EIF4G3: variants seen among roughly 807,000 people sequenced by gnomAD.
EIF4G3 encodes the protein eukaryotic translation initiation factor 4 gamma 3, also known as eIF-4-gamma 3.
A neutral mutation model predicts 186.4 loss-of-function variants in EIF4G3; 34 were observed. The ratio of observed to expected loss-of-function variants is 0.18; its 90% CI spans 0.14 to 0.24. The LOEUF (loss-of-function observed/expected upper bound fraction) is 0.24, where lower values mean the gene tolerates loss of function less well. Among genes scored for constraint, EIF4G3 ranks in the 10% least tolerant of loss-of-function variants. EIF4G3 has a pLI of 1.00. For missense variants in EIF4G3, 1,536 were observed against 1,948.5 expected, an observed-to-expected ratio of 0.79 and a Z score of 3.99; for synonymous variants, 673 against 679.5, an observed-to-expected ratio of 0.99 and a Z score of 0.15.
intron 20 of EIF4G3, among the ~76,000 whole-genome samples, chr1:20,875,510 C>T (rs2080497964): frequency 6.6e-6 from 1 of 152,192 alleles, no homozygotes; most frequent in South Asian, 2.1e-4. Context: ...CTGAGGACAG[C>T]ATTTACATCA....
At chr1:21,148,881 G>C (rs1221536803) in intron 2 of EIF4G3, among the ~76,000 whole-genome samples, 1 of 151,872 alleles carries the variant, frequency 6.6e-6, no homozygotes, top group East Asian at 1.9e-4. Flanking sequence ...TTGTGGCACA[G>C]TCATATATCT....
intron 2 of EIF4G3, among the ~76,000 whole-genome samples, chr1:21,139,726 T>G (rs530136316): frequency 2.0e-5 from 3 of 152,328 alleles, no homozygotes; most frequent in Admixed American, 1.3e-4. Context: ...GGTTTCACTA[T>G]GTTGCCAACT....
chr1:20,828,520 T>C (rs919763457), intron 31 of EIF4G3, among the ~76,000 whole-genome samples: 10 of 152,198 alleles, frequency 6.6e-5, no homozygotes, highest in African/African-American at 2.2e-4. Flanking sequence ...TGCTTTACTA[T>C]AGGACTGTCA....
At chr1:20,898,045 C>T (rs1351842223) in intron 16 of EIF4G3, among the ~76,000 whole-genome samples, 1 of 152,028 alleles carries the variant, frequency 6.6e-6, no homozygotes, top group Non-Finnish European at 1.5e-5. Flanking sequence ...CTGGTACAAG[C>T]CTAGATCTTT....
At chr1:20,917,434 G>A (rs1453708222) in intron 14 of EIF4G3, among the ~76,000 whole-genome samples, 1 of 152,234 alleles carries the variant, frequency 6.6e-6, no homozygotes, top group African/African-American at 2.4e-5. Context: ...TTGAACCTGG[G>A]AGGTCAAGGC....
chr1:20,870,471 A>G lies in EIF4G3; in HGVS notation c.2623-5209T>C, dbSNP rs914742025. ...ATTCAAGTTGGTTATTCTTTCATTC[A>G]GGCATTTACCTACTCACTCACAACT... is the stretch of plus-strand genomic sequence containing the variant. On this transcript the variant is annotated intron_variant, in intron 20 of 36. Transcript: ENST00000602326. Among the ~76,000 whole-genome samples, 8 of 152,254 alleles carry G rather than the reference A, an allele frequency of 5.3e-5. No homozygotes were observed. The East Asian group carries it at 1.4e-3, about 26-fold the overall frequency.
chr1:21,060,113 G>A (rs902352498), intron 3 of EIF4G3, among the ~76,000 whole-genome samples: 26 of 152,102 alleles, frequency 1.7e-4, no homozygotes, highest in Non-Finnish European at 1.0e-4. Flanking sequence ...TACCATGCCC[G>A]GCTAATTTTT....
At chr1:21,048,602 A>G (rs2094028178) in intron 4 of EIF4G3, among the ~76,000 whole-genome samples, 1 of 152,196 alleles carries the variant, frequency 6.6e-6, no homozygotes, top group African/African-American at 2.4e-5. Context: ...AACAGTACCC[A>G]GCAGCCAAGA....
chr1:21,076,855 A>G (rs7531381), intron 3 of EIF4G3, among the ~76,000 whole-genome samples: 66,259 of 151,980 alleles, frequency 0.44, 14,802 homozygotes, highest in Non-Finnish European at 0.47. Flanking sequence ...GAAAACACCA[A>G]GGAAATGCTT....
chr1:20,978,747 T>C (rs1056601716), intron 10 of EIF4G3, among the ~76,000 whole-genome samples: 2 of 150,296 alleles, frequency 1.3e-5, no homozygotes, highest in Middle Eastern at 3.4e-3. Flanking sequence ...CCACTGGGGG[T>C]CTTGGAATGT....
chr1:21,112,607 G>A (rs2096744737), intron 2 of EIF4G3, among the ~76,000 whole-genome samples: 1 of 151,780 alleles, frequency 6.6e-6, no homozygotes. Context: ...TACTTTATTT[G>A]GTTTTTCTGA....
chr1:20,903,974 A>G (rs1003153670), intron 15 of EIF4G3, among the ~76,000 whole-genome samples: 1 of 152,226 alleles, frequency 6.6e-6, no homozygotes, highest in African/African-American at 2.4e-5. Context: ...TTCATTTATA[A>G]GCTTCAATAC....
intron 4 of EIF4G3, among the ~76,000 whole-genome samples, chr1:21,017,890 CA>C (rs2089651268): frequency 6.6e-6 from 1 of 151,958 alleles, no homozygotes; most frequent in Admixed American, 6.6e-5. Context: ...CAAAAAGTTT[CA>C]GTTTTGCAAG....
intron 14 of EIF4G3, 90 bp from the exon 15 acceptor site, chr1:20,905,061 A>C (rs956897388): frequency 1.1e-6 from 1 of 934,928 alleles, no homozygotes; most frequent in East Asian, 2.6e-5. Context: ...CAAATTAAGC[A>C]GGATAAAAGA....
intron 4 of EIF4G3, among the ~76,000 whole-genome samples, chr1:21,013,110 G>C (rs1194996967): frequency 6.6e-6 from 1 of 152,052 alleles, no homozygotes; most frequent in Non-Finnish European, 1.5e-5. Flanking sequence ...CTATATCTCA[G>C]AGGGGCCCTC....
At chr1:20,967,549 C>T (rs1476917618) in intron 12 of EIF4G3, among the ~76,000 whole-genome samples, 1 of 152,106 alleles carries the variant, frequency 6.6e-6, no homozygotes, top group Non-Finnish European at 1.5e-5. Flanking sequence ...CATGACCTTA[C>T]AACACACATG....
chr1:20,905,721 T>G (rs911302337), intron 14 of EIF4G3, among the ~76,000 whole-genome samples: 1 of 152,180 alleles, frequency 6.6e-6, no homozygotes, highest in South Asian at 2.1e-4. Context: ...AACCATCAGA[T>G]AGTAAGCTGA....
intron 2 of EIF4G3, among the ~76,000 whole-genome samples, chr1:21,142,004 T>C (rs1289694223): frequency 6.6e-6 from 1 of 152,100 alleles, no homozygotes; most frequent in African/African-American, 2.4e-5. Flanking sequence ...AATTTTGTTA[T>C]AAAGAGAATT....
At chr1:20,841,311 TA>T in intron 29 of EIF4G3, 4 of 206,844 alleles carry the variant, frequency 1.9e-5, no homozygotes, top group Non-Finnish European at 3.8e-5. Flanking sequence ...TTTTTATAAA[TA>T]AAAAAAATTT....
Sources: gnomAD v4.1 joint callset for allele counts (sites outside exome capture counted in the v4.1 genomes callset) on GRCh38, gnomAD v4.1.1 for gene constraint, MANE v1.5 for transcripts, NCBI Gene and HGNC (gene_info 2026-07-23, HGNC 2026-07-21) for gene names.